The following ZNF169 variants were observed in gnomAD, a reference collection of about 807,000 sequenced individuals.
ZNF169 encodes the protein zinc finger protein 169.
Under a neutral mutation model 12.0 loss-of-function variants are expected in ZNF169, and 11 were observed. The ratio of observed to expected loss-of-function variants is 0.92; its 90% CI spans 0.58 to 1.52. The LOEUF (loss-of-function observed/expected upper bound fraction) is 1.52. ZNF169 is among the 40% of genes most tolerant of loss of function. The pLI is 0.00. For synonymous variants in ZNF169, 302 were observed against 286.5 expected (o/e 1.05, Z -0.55); for missense variants, 722 against 744.0 (o/e 0.97, Z 0.34).
chr9:94,259,659 G>C (rs1256006400), intron 1 of ZNF169, among the ~76,000 whole-genome samples: 1 of 152,134 alleles, frequency 6.6e-6, no homozygotes, highest in Non-Finnish European at 1.5e-5. Flanking sequence ...CTACTTCGCA[G>C]GTGCGTCCCC....
chr9:94,273,531 C>G (rs553412607), intron 1 of ZNF169, among the ~76,000 whole-genome samples: 1 of 147,084 alleles, frequency 6.8e-6, no homozygotes, highest in Admixed American at 6.7e-5. Context: ...TTAATTAAAA[C>G]TTCTTTTTTT....
rs1162902599 is a variant in ZNF169 at position 94,292,642 on chromosome 9, C to CGT, written c.160+176_160+177insTG. The CGT allele has an allele frequency of 4.4e-4, 201 of 453,802 alleles. No individual in the cohort carries two copies. The African/African-American group carries it at 4.6e-3, about 10-fold the overall frequency. 28.1% of individuals were successfully genotyped at this position (453,802 alleles called of 1,614,324 possible). A position where few individuals can be genotyped will look rare whatever the true frequency, so the allele number is the denominator to read the frequency against. On this transcript the variant is annotated intron_variant, in intron 3 of 4. Transcript: ENST00000395395. ...GTGTGTGTGTGTGTGTGTGTGTGTG[C>CGT]GCGTGCACATGCTGTGAGCGTGTGG...
intron 4 of ZNF169, chr9:94,296,709 C>T: frequency 6.6e-6 from 3 of 453,152 alleles, no homozygotes; most frequent in Non-Finnish European, 8.9e-6. Context: ...TATGTTTTTT[C>T]TACTCCTCTG....
In ZNF169 at chr9:94,300,206, CTA is replaced by C; in HGVS notation, c.651_652del (p.Tyr217Ter). The C allele has an allele frequency of 6.2e-7, 1 of 1,614,206 alleles. No individual in the cohort carries two copies. The highest frequency in any genetic ancestry group is 8.5e-7 in the Non-Finnish European group (1 of 1,180,034). On this transcript the variant is annotated frameshift_variant, in exon 5 of 5. Coordinates refer to ENST00000395395, the MANE Select transcript of ZNF169 (RefSeq NM_194320.4). LOFTEE classifies it low-confidence loss of function (END_TRUNC). ...SESGAVIRGN[Y>X]RLGLSKKSSL... ...AATCTGGAGCAGTCATACGTGGAAA[CTA>C]TAGACTGGGACTTAGCAAAAAGTCA...
Position 94,288,071 on chromosome 9 carries a change from T to A in ZNF169, c.34-4270T>A, listed in dbSNP as rs951655574. 3.8e-6 allele frequency: 3 copies of A among 790,938 alleles called. No homozygotes were observed. The South Asian group carries it at 4.1e-5, about 11-fold the overall frequency. The allele number at this position is 790,938 out of a possible 1,614,324, so 49.0% of individuals were successfully genotyped here. The stretch of plus-strand genomic sequence containing the variant: ...TGTTGCTCTAGGTCACTCGGGACTT[T>A]GCATTCTCAAAATTCATCTGGTAGC... On this transcript the variant is annotated intron_variant, in intron 2 of 4. Transcript: ENST00000395395.
intron 4 of ZNF169, among the ~76,000 whole-genome samples, chr9:94,298,181 A>T (rs200205706): frequency 6.6e-6 from 1 of 151,578 alleles, no homozygotes; most frequent in African/African-American, 2.4e-5. Context: ...AAAAAAAAAA[A>T]TTTGTTCAAG....
intron 2 of ZNF169, among the ~76,000 whole-genome samples, chr9:94,290,846 G>GT: frequency 6.6e-6 from 1 of 151,918 alleles, no homozygotes; most frequent in East Asian, 1.9e-4. Flanking sequence ...CTGCCAAACT[G>GT]TTTTTCATAG....
At position 94,292,415 on chromosome 9, in the gene ZNF169, G is replaced by A. The variant is rs1206616396; in HGVS notation, c.108G>A (p.Arg36=). 4.3e-6 allele frequency: 7 copies of A among 1,614,034 alleles called. No individual in the cohort carries two copies. Among genetic ancestry groups the A allele is most frequent in the Middle Eastern group, 1.6e-4 (1 of 6,084 alleles). The part of the protein sequence containing the change: ...KEWKLLSSAQ[R]TLYREVMLEN... ...GGAAGCTATTGAGTTCTGCTCAGAG[G>A]ACCCTGTACAGGGAGGTGATGCTGG... The change falls in exon 3 of 5, where the codon AGG becomes AGA. Residue 36 remains arginine, a synonymous_variant. Transcript: ENST00000395395.
At chr9:94,279,742 A>G (rs1830593675) in intron 2 of ZNF169, among the ~76,000 whole-genome samples, 1 of 152,342 alleles carries the variant, frequency 6.6e-6, no homozygotes, top group South Asian at 2.1e-4. Context: ...TTCAACAGCC[A>G]GTGGTCTTTA....
chr9:94,265,877 A>G (rs541739910), intron 1 of ZNF169, among the ~76,000 whole-genome samples: 52 of 152,170 alleles, frequency 3.4e-4, no homozygotes, highest in African/African-American at 9.4e-4. Flanking sequence ...CAGACCCACA[A>G]TAAAACTTGT....
chr9:94,285,217 T>C (rs1038183899), intron 2 of ZNF169, among the ~76,000 whole-genome samples: 4 of 152,064 alleles, frequency 2.6e-5, no homozygotes, highest in Non-Finnish European at 5.9e-5. Context: ...AATGAAAGAA[T>C]TAGAATGCCT....
chr9:94,300,306 A>T lies in ZNF169; in HGVS notation c.748A>T (p.Ile250Phe). The change falls in exon 5 of 5, where the codon ATC becomes TTC. Residue 250 changes from isoleucine (I) to phenylalanine (F), a missense_variant. Transcript: ENST00000395395. ...AGGCTTTTGCCAGAGATCAGACCTT[A>T]TCAAGCACCAGAGGACACACACCGG... ...GRGFCQRSDL[I>F]KHQRTHTGEK... The T allele has an allele frequency of 1.2e-6, 2 of 1,614,008 alleles. No homozygotes were observed. The highest frequency in any genetic ancestry group is 1.7e-6 in the Non-Finnish European group (2 of 1,179,984).
chr9:94,292,898 G>C, intron 3 of ZNF169, 76 bp from the exon 4 acceptor site: 1 of 1,288,070 alleles, frequency 7.8e-7, no homozygotes, highest in Non-Finnish European at 1.1e-6. Context: ...TGCATTCCTG[G>C]GTTGGCTCTG....
chr9:94,295,389 TATAAG>T (rs1459345502), intron 4 of ZNF169: 18 of 152,226 alleles, frequency 1.2e-4, no homozygotes, highest in African/African-American at 2.9e-4. Flanking sequence ...TAAGGTATAT[TATAAG>T]ATATGTTTTT....
intron 2 of ZNF169, among the ~76,000 whole-genome samples, chr9:94,282,427 G>C (rs1830656532): frequency 6.6e-6 from 1 of 152,218 alleles, no homozygotes; most frequent in African/African-American, 2.4e-5. Flanking sequence ...GGTCTGGAAA[G>C]GCGGAACAAC....
chr9:94,268,785 C>CAAAAAA (rs58102758), intron 1 of ZNF169, among the ~76,000 whole-genome samples: 12,224 of 112,198 alleles, frequency 0.11, 871 homozygotes, highest in East Asian at 0.38. Context: ...GACTCCATTT[C>CAAAAAA]AAAAAAAAAA....
At chr9:94,292,054 G>A (rs1273191057) in intron 2 of ZNF169, among the ~76,000 whole-genome samples, 2 of 152,232 alleles carry the variant, frequency 1.3e-5, no homozygotes, top group African/African-American at 2.4e-5. Flanking sequence ...AATAAAGTGA[G>A]AGGAATCGGT....
chr9:94,293,180 C>G (rs1387553299), intron 4 of ZNF169, 111 bp downstream of exon 4: 2 of 945,152 alleles, frequency 2.1e-6, no homozygotes, highest in African/African-American at 1.6e-5. Flanking sequence ...TTCAGGCCTC[C>G]TAGGCCACTG....
intron 1 of ZNF169, among the ~76,000 whole-genome samples, chr9:94,270,874 T>TTA (rs1198409551): frequency 4.6e-5 from 1 of 21,922 alleles, no homozygotes; most frequent in East Asian, 1.6e-3. Context: ...AATATATATA[T>TTA]TATATTATAT....
Sources: allele counts gnomAD v4.1 joint callset (sites outside exome capture counted in the v4.1 genomes callset), GRCh38; gene constraint gnomAD v4.1.1; transcripts MANE v1.5; gene names NCBI Gene and HGNC (gene_info 2026-07-23, HGNC 2026-07-21).